PHIP: variants seen among roughly 807,000 people sequenced by gnomAD.
The protein encoded by PHIP is PH-interacting protein.
Under a neutral mutation model 236.8 loss-of-function variants are expected in PHIP, and 54 were observed. The observed-to-expected ratio is 0.23, with a 90% CI of 0.18 to 0.29. The LOEUF (loss-of-function observed/expected upper bound fraction) is 0.29. Ranked by LOEUF, PHIP falls within the 10% of genes least tolerant of loss-of-function variation. The probability of loss-of-function intolerance (pLI) is 1.00; values close to 1 mark genes in which losing one functional copy is unlikely to be tolerated. For synonymous variants in PHIP, 756 were observed against 718.9 expected, an observed-to-expected ratio of 1.05 and a Z score of -0.83; for missense variants, 1,370 against 2,190.8, an observed-to-expected ratio of 0.63 and a Z score of 7.48.
chr6:79,070,175 A>C (rs548803162), intron 4 of PHIP, among the ~76,000 whole-genome samples: 1 of 152,230 alleles, frequency 6.6e-6, no homozygotes, highest in East Asian at 1.9e-4. Context: ...ACAAATTTTC[A>C]AGTTTTGATG....
intron 4 of PHIP, among the ~76,000 whole-genome samples, chr6:79,070,291 G>A (rs1773818580): frequency 6.6e-6 from 1 of 152,270 alleles, no homozygotes; most frequent in African/African-American, 2.4e-5. Context: ...AAGTTACTGT[G>A]TATTAATTTA....
intron 6 of PHIP, among the ~76,000 whole-genome samples, chr6:79,053,011 G>T (rs1772875383): frequency 6.6e-6 from 1 of 152,120 alleles, no homozygotes; most frequent in African/African-American, 2.4e-5. Flanking sequence ...CTAAGCTTCA[G>T]TTTCCTCATT....
In PHIP at chr6:78,970,392, TAAG is replaced by T. The variant is rs147145639; in HGVS notation, c.2998-222_2998-220del. Among the ~76,000 whole-genome samples the T allele has an allele frequency of 1.4e-4, 22 of 151,890 alleles. No homozygotes were observed. The East Asian group carries it at 1.7e-3, about 12-fold the overall frequency. On this transcript the variant is annotated intron_variant, in intron 25 of 39. Coordinates refer to ENST00000275034, the MANE Select transcript of PHIP (RefSeq NM_017934.7). ...TAAAACGTAAAAAAGGAAAAAAAAATAAGGAGAACTTTACTAAAGTATAGTTAC... is the reference window on the plus strand; with the variant it reads ...TAAAACGTAAAAAAGGAAAAAAAAATGAGAACTTTACTAAAGTATAGTTAC...
rs1468996390 is a variant in PHIP, at chr6:78,941,656, T to TG, written c.4829-327dup. Reference sequence around the variant, plus strand: ...TCCTAACTTAGAAATAAGTTACTCTTGGTCAAAAACTTTGTTCTTAGAACT... The same window carrying TG: ...TCCTAACTTAGAAATAAGTTACTCTTGGGTCAAAAACTTTGTTCTTAGAACT... On this transcript the variant is annotated intron_variant, in intron 39 of 39. Transcript: ENST00000275034. Among the ~76,000 whole-genome samples the TG allele has an allele frequency of 2.0e-5, 3 of 152,102 alleles. No individual in the cohort carries two copies. The East Asian group carries it at 5.8e-4, about 29-fold the overall frequency.
chr6:78,962,909 A>G (rs563506842), intron 30 of PHIP, among the ~76,000 whole-genome samples, 188 bp downstream of exon 30: 2 of 152,274 alleles, frequency 1.3e-5, no homozygotes, highest in Admixed American at 1.3e-4. Flanking sequence ...AACATAACCT[A>G]ATTTATAACT....
intron 4 of PHIP, among the ~76,000 whole-genome samples, chr6:79,062,990 C>T (rs539756489): frequency 6.6e-6 from 1 of 152,324 alleles, no homozygotes; most frequent in South Asian, 2.1e-4. Flanking sequence ...ATCCCTCTAG[C>T]ACTGTGTAGT....
chr6:78,953,629 A>G (rs2127689631), intron 35 of PHIP, among the ~76,000 whole-genome samples: 1 of 152,298 alleles, frequency 6.6e-6, no homozygotes, highest in East Asian at 1.9e-4. Context: ...TCTCTTCCAC[A>G]TTTAACATTC....
At chr6:79,050,029 A>C (rs1450054191) in intron 6 of PHIP, among the ~76,000 whole-genome samples, 1 of 152,154 alleles carries the variant, frequency 6.6e-6, no homozygotes, top group Non-Finnish European at 1.5e-5. Context: ...AAAGCCAGGC[A>C]TCAAACCCTT....
chr6:79,028,332 A>G (rs943149231), intron 7 of PHIP, among the ~76,000 whole-genome samples: 1 of 152,020 alleles, frequency 6.6e-6, no homozygotes, highest in Non-Finnish European at 1.5e-5. Context: ...AATTAGGCTA[A>G]GACAGAAAGG....
intron 24 of PHIP, among the ~76,000 whole-genome samples, chr6:78,976,224 A>G (rs1768051743): frequency 6.8e-6 from 1 of 148,020 alleles, no homozygotes; most frequent in South Asian, 2.2e-4. Flanking sequence ...AACGCCGCAT[A>G]TCTACAACTA....
At chr6:79,045,541 T>C (rs910962338) in intron 6 of PHIP, among the ~76,000 whole-genome samples, 2 of 152,106 alleles carry the variant, frequency 1.3e-5, no homozygotes, top group African/African-American at 4.8e-5. Context: ...AGTATATAAG[T>C]AAATCTTCCT....
intron 38 of PHIP, chr6:78,945,750 T>C (rs1271566274): frequency 3.3e-6 from 2 of 599,298 alleles, no homozygotes; most frequent in Non-Finnish European, 2.9e-6. Context: ...CTAGCTAGTG[T>C]GGGTACTGTG....
chr6:78,965,306 T>TA (rs1469306025), intron 29 of PHIP, among the ~76,000 whole-genome samples: 2 of 152,012 alleles, frequency 1.3e-5, no homozygotes, highest in African/African-American at 2.4e-5. Context: ...CAAGATCACA[T>TA]AAAAAATGAC....
At chr6:78,992,954 GCCC>G (rs1159179400) in intron 19 of PHIP, among the ~76,000 whole-genome samples, 1 of 152,204 alleles carries the variant, frequency 6.6e-6, no homozygotes, top group Non-Finnish European at 1.5e-5. Context: ...TGCCTCTTGT[GCCC>G]AACAACCACG....
chr6:79,026,108 A>G lies in PHIP; in HGVS notation c.657T>C (p.Ala219=), dbSNP rs1771387314. The change falls in exon 8 of 40, where the codon GCT becomes GCC. Residue 219 remains alanine (A), a synonymous_variant. Coordinates refer to ENST00000275034, the MANE Select transcript of PHIP (RefSeq NM_017934.7). Reference sequence around the variant, plus strand: ...TTTCAGCAGCATGTCCTCTTAAGGTAGCTAACAACCTCCCATCATCTGTTG... The same window carrying G: ...TTTCAGCAGCATGTCCTCTTAAGGTGGCTAACAACCTCCCATCATCTGTTG... ...IWATDDGRLL[A]TLRGHAAEIS... 2 of 1,613,984 alleles carry G rather than the reference A, an allele frequency of 1.2e-6. No homozygotes were observed. The highest frequency in any genetic ancestry group is 1.7e-6 in the Non-Finnish European group (2 of 1,179,956).
chr6:79,048,549 A>T (rs1772617134), intron 6 of PHIP, among the ~76,000 whole-genome samples: 2 of 152,214 alleles, frequency 1.3e-5, no homozygotes, highest in Admixed American at 1.3e-4. Context: ...TTGTAAAATG[A>T]ACAAGCACAC....
intron 25 of PHIP, 66 bp downstream of exon 25, chr6:78,970,715 A>G: frequency 9.8e-7 from 1 of 1,023,082 alleles, no homozygotes; most frequent in South Asian, 1.5e-5. Context: ...GTAACCTTTG[A>G]TACAATTTTC....
chr6:78,968,602 A>G (rs1437320843), intron 27 of PHIP, among the ~76,000 whole-genome samples: 2 of 152,220 alleles, frequency 1.3e-5, no homozygotes, highest in African/African-American at 2.4e-5. Flanking sequence ...ACTTCAATAC[A>G]ACTGTGCATA....
chr6:78,971,608 C>A (rs1288336590), intron 24 of PHIP, among the ~76,000 whole-genome samples: 2 of 152,130 alleles, frequency 1.3e-5, no homozygotes, highest in Non-Finnish European at 2.9e-5. Flanking sequence ...GCATTTCCAT[C>A]TGAGGTAACG....
Sources: gnomAD v4.1 joint callset for allele counts (sites outside exome capture counted in the v4.1 genomes callset) on GRCh38, gnomAD v4.1.1 for gene constraint, MANE v1.5 for transcripts, NCBI Gene and HGNC (gene_info 2026-07-23, HGNC 2026-07-21) for gene names.